ZBTB7C: variants seen among roughly 807,000 people sequenced by gnomAD.
The protein encoded by ZBTB7C is zinc finger and BTB domain-containing protein 7C.
ZBTB7C carries 8 observed loss-of-function variants against 25.7 expected under a neutral mutation model. That is an observed-to-expected ratio of 0.31 (90% confidence interval 0.18 to 0.56). The LOEUF (loss-of-function observed/expected upper bound fraction) is 0.56, where lower values mean the gene tolerates loss of function less well. ZBTB7C is among the 20% of genes least tolerant of loss of function. The pLI is 0.91. For missense variants in ZBTB7C, 824 were observed against 855.2 expected (o/e 0.96, Z 0.46); for synonymous variants, 394 against 369.0 (o/e 1.07, Z -0.78).
intron 1 of ZBTB7C, among the ~76,000 whole-genome samples, chr18:48,346,207 C>T (rs1298159590): frequency 6.6e-6 from 1 of 152,160 alleles, no homozygotes; most frequent in Admixed American, 6.5e-5. Flanking sequence ...TACTTTCTGC[C>T]CCAGCTTCAC....
chr18:48,225,524 C>T (rs926243880), intron 2 of ZBTB7C, among the ~76,000 whole-genome samples: 1 of 152,086 alleles, frequency 6.6e-6, no homozygotes, highest in African/African-American at 2.4e-5. Flanking sequence ...TCATTCCTTC[C>T]ATCCATATAC....
chr18:48,217,311 C>G (rs1568309137), intron 2 of ZBTB7C, among the ~76,000 whole-genome samples: 1 of 152,298 alleles, frequency 6.6e-6, no homozygotes, highest in South Asian at 2.1e-4. Flanking sequence ...CCTGTCCTTC[C>G]TGTCCCCAAG....
At chr18:48,223,907 G>C (rs2043021178) in intron 2 of ZBTB7C, among the ~76,000 whole-genome samples, 2 of 152,146 alleles carry the variant, frequency 1.3e-5, no homozygotes, top group Non-Finnish European at 2.9e-5. Flanking sequence ...GAAAACCTTG[G>C]AGACAGAAGC....
At chr18:48,116,601 T>C (rs1598908333) in intron 3 of ZBTB7C, among the ~76,000 whole-genome samples, 1 of 152,120 alleles carries the variant, frequency 6.6e-6, no homozygotes, top group African/African-American at 2.4e-5. Flanking sequence ...TACCCTGGCC[T>C]GCTTGCACCC....
chr18:48,228,230 C>A (rs2043155025), intron 2 of ZBTB7C, among the ~76,000 whole-genome samples: 1 of 152,136 alleles, frequency 6.6e-6, no homozygotes. Flanking sequence ...AACAGGTCCT[C>A]CACTCACATC....
intron 1 of ZBTB7C, among the ~76,000 whole-genome samples, chr18:48,400,211 C>A (rs1599044954): frequency 1.3e-5 from 2 of 152,344 alleles, no homozygotes; most frequent in African/African-American, 2.4e-5. Context: ...CCAGACAGAA[C>A]TTTGTAAGGA....
At chr18:48,351,396 C>A (rs2046859190) in intron 1 of ZBTB7C, among the ~76,000 whole-genome samples, 1 of 152,088 alleles carries the variant, frequency 6.6e-6, no homozygotes, top group Non-Finnish European at 1.5e-5. Context: ...TGTTAAAAGA[C>A]CCGTGGCTTT....
At chr18:48,389,659 C>T (rs1291623931) in intron 1 of ZBTB7C, among the ~76,000 whole-genome samples, 2 of 152,010 alleles carry the variant, frequency 1.3e-5, no homozygotes, top group African/African-American at 4.8e-5. Context: ...CCCCAGCCTG[C>T]TCATTACTGA....
At chr18:48,389,107 C>T (rs186501066) in intron 1 of ZBTB7C, among the ~76,000 whole-genome samples, 1 of 151,966 alleles carries the variant, frequency 6.6e-6, no homozygotes, top group East Asian at 1.9e-4. Flanking sequence ...GTGGAAGCCT[C>T]GGGCTGTGAG....
chr18:48,080,445 C>T (rs987008386), intron 3 of ZBTB7C, among the ~76,000 whole-genome samples: 7 of 152,194 alleles, frequency 4.6e-5, no homozygotes, highest in African/African-American at 1.7e-4. Flanking sequence ...CTAAGAGAGC[C>T]ACAAACAATG....
Position 48,029,559 on chromosome 18 carries a change from C to G in ZBTB7C, c.1561G>C (p.Ala521Pro). Residue 521 changes from alanine (A) to proline (P), a missense_variant, in exon 5 of 5, where the codon GCA becomes CCA. Coordinates refer to ENST00000590800, the MANE Select transcript of ZBTB7C (RefSeq NM_001318841.2). ...LGEVGGHLGG[A>P]AVCLPGPSPA... is the part of the protein sequence containing the mutation. ...CTGGGGCCCGGGAGGCACACAGCTG[C>G]GCCGCCCAGGTGGCCGCCCACCTCG... 2 of 1,529,340 alleles carry G rather than the reference C, an allele frequency of 1.3e-6. No homozygotes were observed. Among genetic ancestry groups the G allele is most frequent in the Non-Finnish European group, 1.7e-6 (2 of 1,151,938 alleles). 94.7% of individuals were successfully genotyped at this position (1,529,340 alleles called of 1,614,324 possible).
At chr18:48,057,915 T>G (rs2036979894) in intron 3 of ZBTB7C, among the ~76,000 whole-genome samples, 1 of 152,212 alleles carries the variant, frequency 6.6e-6, no homozygotes, top group Admixed American at 6.5e-5. Context: ...GTGGCCCATG[T>G]TCTGCCCAGC....
At chr18:48,132,168 A>C (rs1389001360) in intron 3 of ZBTB7C, among the ~76,000 whole-genome samples, 2 of 152,246 alleles carry the variant, frequency 1.3e-5, no homozygotes, top group Non-Finnish European at 2.9e-5. Context: ...GGATTTACCC[A>C]TTATGGGTAA....
At chr18:48,363,061 G>A (rs556120062) in intron 1 of ZBTB7C, among the ~76,000 whole-genome samples, 1 of 152,310 alleles carries the variant, frequency 6.6e-6, no homozygotes, top group Non-Finnish European at 1.5e-5. Flanking sequence ...TCAAAACAAT[G>A]GGGACAGGAA....
chr18:48,155,317 TC>T (rs375057221), intron 3 of ZBTB7C, among the ~76,000 whole-genome samples: 3 of 135,830 alleles, frequency 2.2e-5, no homozygotes, highest in African/African-American at 8.2e-5. Flanking sequence ...ACTGTAATAT[TC>T]TTTTTTTTTT....
chr18:48,134,390 G>A (rs900251265), intron 3 of ZBTB7C, among the ~76,000 whole-genome samples: 2 of 152,196 alleles, frequency 1.3e-5, no homozygotes, highest in African/African-American at 2.4e-5. Context: ...GGACAGATAT[G>A]TCTGGTCAGC....
intron 3 of ZBTB7C, among the ~76,000 whole-genome samples, chr18:48,163,916 G>T (rs2144972268): frequency 6.6e-6 from 1 of 152,304 alleles, no homozygotes; most frequent in East Asian, 1.9e-4. Flanking sequence ...GCTGGAGGGG[G>T]TTAACTAGGT....
intron 3 of ZBTB7C, among the ~76,000 whole-genome samples, chr18:48,070,050 C>T (rs1255220721): frequency 6.6e-6 from 1 of 152,156 alleles, no homozygotes; most frequent in Non-Finnish European, 1.5e-5. Context: ...CCAAAGCATC[C>T]GTGCTCTTGT....
intron 2 of ZBTB7C, among the ~76,000 whole-genome samples, chr18:48,314,925 T>C (rs1355780660): frequency 6.6e-6 from 1 of 152,136 alleles, no homozygotes; most frequent in African/African-American, 2.4e-5. Flanking sequence ...GAGCCGGCTG[T>C]TAATGGGTTT....
Sources: allele counts gnomAD v4.1 joint callset (sites outside exome capture counted in the v4.1 genomes callset), GRCh38; gene constraint gnomAD v4.1.1; transcripts MANE v1.5; gene names NCBI Gene and HGNC (gene_info 2026-07-23, HGNC 2026-07-21).